The following FCSK variants were observed in gnomAD, a reference collection of about 807,000 sequenced individuals.
The protein encoded by FCSK is L-fucose kinase.
In FCSK, 123 loss-of-function variants were observed where a neutral mutation model predicts 122.5. The ratio of observed to expected loss-of-function variants is 1.00; its 90% CI spans 0.87 to 1.17. The LOEUF is 1.17. FCSK is among the 50% of genes most tolerant of loss of function. The pLI, the probability that FCSK is intolerant of heterozygous loss-of-function variation, is 0.00. For synonymous variants in FCSK, 620 were observed against 625.5 expected (o/e 0.99, Z 0.13); for missense variants, 1,366 against 1,450.4 (o/e 0.94, Z 0.95).
At position 70,463,173 on chromosome 16, in the gene FCSK, C is replaced by T; in HGVS notation, c.-18C>T. 2 of 1,608,174 alleles carry T rather than the reference C, an allele frequency of 1.2e-6. No homozygotes were observed. The highest frequency in any genetic ancestry group is 1.1e-5 in the South Asian group (1 of 90,854). On this transcript the variant is annotated 5_prime_UTR_variant, in exon 2 of 24. Coordinates refer to ENST00000288078, the MANE Select transcript of FCSK (RefSeq NM_145059.3). ...CTACCCATATTGCTGTCTCAGGAAG[C>T]CCCTCCGCTTGGCCAGAATGGAGCA...
intron 20 of FCSK, 54 bp downstream of exon 20, chr16:70,475,821 G>C (rs112879611): frequency 6.7e-7 from 1 of 1,488,654 alleles, no homozygotes; most frequent in African/African-American, 1.4e-5. Flanking sequence ...CCAAGGGCCC[G>C]CGGGGGGAGT....
chr16:70,462,175 T>A (rs553232835), intron 1 of FCSK: 1 of 151,446 alleles, frequency 6.6e-6, no homozygotes, highest in African/African-American at 2.5e-5. Flanking sequence ...GTTTTGAGGG[T>A]CTTGCTGTGT....
At chr16:70,459,750 C>T (rs1334784194) in intron 1 of FCSK, among the ~76,000 whole-genome samples, 2 of 150,340 alleles carry the variant, frequency 1.3e-5, no homozygotes, top group Non-Finnish European at 3.0e-5. Context: ...CTGACATGGC[C>T]TCCCAAAATG....
At chr16:70,479,466 C>G (rs1206564852) in intron 23 of FCSK, 63 bp downstream of exon 23, 1 of 1,504,636 alleles carries the variant, frequency 6.6e-7, no homozygotes, top group Non-Finnish European at 9.1e-7. Context: ...CTGTGGCCCA[C>G]CAGTTAACCA....
Position 70,469,194 on chromosome 16 carries a change from G to A in FCSK, c.826G>A (p.Val276Met), listed in dbSNP as rs767472330. The stretch of plus-strand genomic sequence containing the variant: ...CATTCTCCACTGCATGGCTGAGAAC[G>A]TGACCAGGGAGGACTTCCTGGTGGG... ...FDILHCMAEN[V>M]TREDFLVGRP... The change falls in exon 10 of 24, where the codon GTG becomes ATG. Residue 276 changes from valine (V) to methionine (M), a missense_variant. By Grantham distance (21) the Val-to-Met change is conservative. Transcript: ENST00000288078. 8 of 1,614,028 alleles carry A rather than the reference G, an allele frequency of 5.0e-6. No individual in the cohort carries two copies. The highest frequency in any genetic ancestry group is 1.6e-4 in the Middle Eastern group (1 of 6,084).
At chr16:70,471,420 C>A in intron 13 of FCSK, 68 bp downstream of exon 13, 1 of 1,455,362 alleles carries the variant, frequency 6.9e-7, no homozygotes, top group Non-Finnish European at 9.2e-7. Context: ...AGTCCTGGCC[C>A]CCACCCCACT....
At position 70,470,427 on chromosome 16, in the gene FCSK, G is replaced by A; in HGVS notation, c.1068+1G>A. ...CCAGATTGTGCACTCCCAGGTGGAG[G>A]TGAGACCTCCCTGCCCCTCCGGTGC... is the stretch of plus-strand genomic sequence containing the variant. On this transcript the variant is annotated splice_donor_variant, in intron 11 of 23. Transcript: ENST00000288078. LOFTEE classifies it high-confidence loss of function. 1.9e-6 allele frequency: 3 copies of A among 1,592,418 alleles called. No homozygotes were observed. The highest frequency in any genetic ancestry group is 8.6e-7 in the Non-Finnish European group (1 of 1,161,694).
chr16:70,475,899 T>C lies in FCSK; in HGVS notation c.2641+132T>C, dbSNP rs554332040. On this transcript the variant is annotated intron_variant, in intron 20 of 23. Transcript: ENST00000288078. ...GACTGTGCTGCTGTTGGAAATACTT[T>C]CCTTCTAGTCACTTTGACCTTCTCT... is the stretch of plus-strand genomic sequence containing the variant. 35 of 959,992 alleles carry C rather than the reference T, an allele frequency of 3.6e-5. No homozygotes were observed. The East Asian group carries it at 1.0e-3, about 28-fold the overall frequency. 59.5% of individuals were successfully genotyped at this position (959,992 alleles called of 1,614,324 possible). A position where few individuals can be genotyped will look rare whatever the true frequency, so the allele number is the denominator to read the frequency against.
rs764189758 is a variant in FCSK at position 70,478,532 on chromosome 16, TCTC to T, written c.2830-16_2830-14del. ...CTGGGCCTGGGTCCTCACCACCCCT[TCTC>T]CTGCCCCGTCCGCAGGATGTGCTGA... On this transcript the variant is annotated splice_polypyrimidine_tract_variant and intron_variant, in intron 21 of 23. Coordinates refer to ENST00000288078, the MANE Select transcript of FCSK (RefSeq NM_145059.3). 12 of 1,613,378 alleles carry T rather than the reference TCTC, an allele frequency of 7.4e-6. No homozygotes were observed. The highest frequency in any genetic ancestry group is 5.1e-6 in the Non-Finnish European group (6 of 1,179,848).
At position 70,475,755 on chromosome 16, in the gene FCSK, G is replaced by C; in HGVS notation, c.2629G>C (p.Val877Leu). The C allele has an allele frequency of 6.3e-7, 1 of 1,587,624 alleles. No individual in the cohort carries two copies. The highest frequency in any genetic ancestry group is 8.6e-7 in the Non-Finnish European group (1 of 1,165,204). Residue 877 changes from valine (V) to leucine (L), a missense_variant, in exon 20 of 24, where the codon GTG becomes CTG. By Grantham distance (32) the Val-to-Leu change is conservative. Transcript: ENST00000288078. ...LIHAVLHLEQ[V>L]LTTGGGWQDQ... Reference sequence around the variant, plus strand: ...CCACGCAGTGCTGCACCTGGAGCAGGTGCTCACCACTGGTATGTGACTGCC... The same window carrying C: ...CCACGCAGTGCTGCACCTGGAGCAGCTGCTCACCACTGGTATGTGACTGCC...
intron 20 of FCSK, among the ~76,000 whole-genome samples, chr16:70,476,547 C>T (rs1597639819): frequency 6.6e-6 from 1 of 152,030 alleles, no homozygotes; most frequent in Non-Finnish European, 1.5e-5. Context: ...GCTTCTCACT[C>T]CTCCTGGCCA....
At chr16:70,462,121 A>G (rs2048284762) in intron 1 of FCSK, 1 of 152,180 alleles carries the variant, frequency 6.6e-6, no homozygotes, top group Non-Finnish European at 1.5e-5. Flanking sequence ...GCTAATCTCA[A>G]AAGATTATAT....
Position 70,471,277 on chromosome 16 carries a change from G to A in FCSK, c.1266G>A (p.Leu422=). The stretch of plus-strand genomic sequence containing the variant: ...GCCGGGAGCTGCGTGACCTTGTCCT[G>A]CAGGGACACCACACGCGGCTACACG... ...LHGRELRDLV[L]QGHHTRLHGS... is the part of the protein sequence containing the mutation. Residue 422 remains leucine (L), a synonymous_variant, in exon 13 of 24, where the codon CTG becomes CTA. Transcript: ENST00000288078. The A allele has an allele frequency of 2.5e-6, 4 of 1,608,836 alleles. No individual in the cohort carries two copies. Among genetic ancestry groups the A allele is most frequent in the Non-Finnish European group, 3.4e-6 (4 of 1,178,390 alleles).
At chr16:70,465,241 G>A in intron 4 of FCSK, 65 bp downstream of exon 4, 2 of 1,453,926 alleles carry the variant, frequency 1.4e-6, no homozygotes, top group South Asian at 1.2e-5. Flanking sequence ...AGTTGAGCAG[G>A]ACTTCAGGGG....
At position 70,470,992 on chromosome 16, in the gene FCSK, G is replaced by A. The variant is rs1008738553; in HGVS notation, c.1090G>A (p.Gly364Arg). 8.1e-6 allele frequency: 13 copies of A among 1,595,668 alleles called. No homozygotes were observed. The highest frequency in any genetic ancestry group is 1.7e-5 in the Admixed American group (1 of 57,908). ...QVEEQQLLAA[G>R]SSVVSCLLEG... ...ACAGGAGCAGCAGCTTCTGGCGGCC[G>A]GGAGCTCTGTGGTCAGCTGCCTGCT... The change falls in exon 12 of 24, where the codon GGG (glycine) becomes AGG (arginine). Residue 364 changes from glycine to arginine, a missense_variant. Transcript: ENST00000288078.
At chr16:70,471,112 T>C in intron 12 of FCSK, 40 bp downstream of exon 12, 1 of 1,590,926 alleles carries the variant, frequency 6.3e-7, no homozygotes, top group Non-Finnish European at 8.5e-7. Flanking sequence ...GCGAGGGTGC[T>C]GGCATCCCGC....
chr16:70,479,497 C>G, intron 23 of FCSK, 82 bp from the exon 24 acceptor site: 1 of 1,492,870 alleles, frequency 6.7e-7, no homozygotes, highest in Non-Finnish European at 9.2e-7. Context: ...CTGTAAGTCC[C>G]CCTGGTCCTG....
intron 20 of FCSK, among the ~76,000 whole-genome samples, chr16:70,477,016 A>C (rs1375217803): frequency 6.6e-6 from 1 of 152,200 alleles, no homozygotes; most frequent in Admixed American, 6.5e-5. Context: ...GCAGAGGGGC[A>C]CAGTTAAGTC....
intron 6 of FCSK, 73 bp downstream of exon 6, chr16:70,467,027 C>A: frequency 7.1e-7 from 1 of 1,408,434 alleles, no homozygotes; most frequent in Non-Finnish European, 1.0e-6. Flanking sequence ...GCCCTTCTTG[C>A]CCACCCTGCC....
Sources: gnomAD v4.1 joint callset for allele counts (sites outside exome capture counted in the v4.1 genomes callset) on GRCh38, gnomAD v4.1.1 for gene constraint, MANE v1.5 for transcripts, NCBI Gene and HGNC (gene_info 2026-07-23, HGNC 2026-07-21) for gene names.